Variants in TBXT observed in about 807,000 individuals in gnomAD.
The protein encoded by TBXT is T brachyury transcription factor.
A neutral mutation model predicts 41.1 loss-of-function variants in TBXT; 19 were observed. The observed-to-expected ratio is 0.46, with a 90% CI of 0.32 to 0.68. TBXT has a LOEUF of 0.68. Among genes scored for constraint, TBXT ranks in the 30% least tolerant of loss-of-function variants. The pLI is 0.03. For missense variants in TBXT, 536 were observed against 582.0 expected (o/e 0.92, Z 0.81); for synonymous variants, 213 against 238.9 (o/e 0.89, Z 1.00).
chr6:166,165,647 C>T (rs901105494), intron 3 of TBXT, 59 bp downstream of exon 3: 22 of 1,611,840 alleles, frequency 1.4e-5, no homozygotes, highest in Middle Eastern at 2.1e-4. Context: ...AGAATCTCCA[C>T]GGAGCAGCAC....
At chr6:166,160,099 A>C (rs1271486022) in intron 7 of TBXT, among the ~76,000 whole-genome samples, 1 of 152,208 alleles carries the variant, frequency 6.6e-6, no homozygotes, top group Non-Finnish European at 1.5e-5. Context: ...AGCTGGTCCA[A>C]TCATTTAATA....
chr6:166,159,015 A>G (rs1778873965), intron 7 of TBXT, among the ~76,000 whole-genome samples: 1 of 152,208 alleles, frequency 6.6e-6, no homozygotes, highest in Non-Finnish European at 1.5e-5. Flanking sequence ...TCTACTAAAT[A>G]CAAAAAATTG....
chr6:166,167,370 C>T lies in TBXT; in HGVS notation c.206+16G>A. 5.6e-6 allele frequency: 9 copies of T among 1,611,940 alleles called. No homozygotes were observed. The highest frequency in any genetic ancestry group is 7.6e-6 in the Non-Finnish European group (9 of 1,179,770). On this transcript the variant is annotated intron_variant, in intron 1 of 7. Coordinates refer to ENST00000366876, the MANE Select transcript of TBXT (RefSeq NM_001366285.2). ...CTGGAGAGCGCGGCGCGCGCGGGCTCCGGACGCGCACCCACCTGCCGTTCT... is the reference window on the plus strand; with the variant it reads ...CTGGAGAGCGCGGCGCGCGCGGGCTTCGGACGCGCACCCACCTGCCGTTCT...
Position 166,166,664 on chromosome 6 carries a change from C to T in TBXT, c.399G>A (p.Gly133=), listed in dbSNP as rs373205880. The change falls in exon 2 of 8, where the codon GGG becomes GGA. Residue 133 remains glycine, a synonymous_variant. Transcript: ENST00000366876. Reference sequence around the variant, plus strand: ...AGACGGGAGCCTTCATCCAGTGGGCCCCGAAGTTGGGCGAGTCGGGGTGGA... The same window carrying T: ...AGACGGGAGCCTTCATCCAGTGGGCTCCGAAGTTGGGCGAGTCGGGGTGGA... The part of the protein sequence containing the change: ...VYIHPDSPNF[G]AHWMKAPVSF... 6 of 1,613,944 alleles carry T rather than the reference C, an allele frequency of 3.7e-6. No homozygotes were observed. Among genetic ancestry groups the T allele is most frequent in the Non-Finnish European group, 5.1e-6 (6 of 1,180,044 alleles).
chr6:166,164,760 C>T, intron 4 of TBXT, 40 bp downstream of exon 4: 1 of 1,611,408 alleles, frequency 6.2e-7, no homozygotes, highest in Non-Finnish European at 8.5e-7. Flanking sequence ...TTTCTGCATA[C>T]TTCTTTGCCC....
chr6:166,157,722 AG>A lies in TBXT; in HGVS notation c.*592del, dbSNP rs1260339336. The A allele has an allele frequency of 6.5e-6, 1 of 153,480 alleles. No individual in the cohort carries two copies. The highest frequency in any genetic ancestry group is 2.4e-5 in the African/African-American group (1 of 41,464). The allele number at this position is 153,480 out of a possible 1,614,324, so 9.5% of individuals were successfully genotyped here. On this transcript the variant is annotated 3_prime_UTR_variant, in exon 8 of 8. Coordinates refer to ENST00000366876, the MANE Select transcript of TBXT (RefSeq NM_001366285.2). ...GATTGTCTTTGGCTACTTTGTCAAAAGAAAAATATGAAACAGTTATAGTTTA... is the reference window on the plus strand; with the variant it reads ...GATTGTCTTTGGCTACTTTGTCAAAAAAAAATATGAAACAGTTATAGTTTA...
intron 6 of TBXT, among the ~76,000 whole-genome samples, chr6:166,161,680 T>C (rs1778958910): frequency 6.6e-6 from 1 of 150,782 alleles, no homozygotes; most frequent in Non-Finnish European, 1.5e-5. Flanking sequence ...CCCAGCACTT[T>C]GGGAGGCCGA....
In TBXT at chr6:166,160,900, C is replaced by T. The variant is rs1174375352; in HGVS notation, c.974G>A (p.Gly325Glu). ...LQSHDNWSSL[G>E]MPAHPSMLPV... ...GAGCATGCTGGGATGGGCAGGCATTCCAAGGCTGGACCAATTGTCATGGGA... is the reference window on the plus strand; with the variant it reads ...GAGCATGCTGGGATGGGCAGGCATTTCAAGGCTGGACCAATTGTCATGGGA... The change falls in exon 7 of 8, where the codon GGA (glycine) becomes GAA (glutamate). Residue 325 changes from glycine (G) to glutamate (E), a missense_variant. Gly to Glu is a moderately conservative substitution (Grantham distance 98). Transcript: ENST00000366876. 6.8e-6 allele frequency: 11 copies of T among 1,613,974 alleles called. No homozygotes were observed. The highest frequency in any genetic ancestry group is 8.5e-6 in the Non-Finnish European group (10 of 1,180,020).
upstream of TBXT, chr6:166,168,389 T>A (rs1779212637): frequency 6.6e-6 from 1 of 152,320 alleles, no homozygotes; most frequent in South Asian, 2.1e-4. Flanking sequence ...GGCCGGGCTT[T>A]GGGATGCGCC....
chr6:166,162,875 C>T (rs532988004), intron 5 of TBXT, among the ~76,000 whole-genome samples: 2 of 152,250 alleles, frequency 1.3e-5, no homozygotes, highest in Admixed American at 1.3e-4. Flanking sequence ...AGTGACTTCC[C>T]ACCTTCCCCT....
intron 7 of TBXT, among the ~76,000 whole-genome samples, 166 bp from the exon 8 acceptor site, chr6:166,158,754 T>G (rs3099269): frequency 1.3e-5 from 2 of 152,176 alleles, no homozygotes; most frequent in Non-Finnish European, 2.9e-5. Flanking sequence ...CACAAGCACA[T>G]TCTGTGATGT....
intron 6 of TBXT, among the ~76,000 whole-genome samples, chr6:166,161,849 A>G (rs1582966269): frequency 6.6e-6 from 1 of 152,296 alleles, no homozygotes; most frequent in African/African-American, 2.4e-5. Context: ...CGTGAACCCG[A>G]GAGGCGGAGC....
chr6:166,166,295 GC>G (rs148685680), intron 2 of TBXT, among the ~76,000 whole-genome samples: 8,811 of 152,246 alleles, frequency 0.058, 775 homozygotes, highest in African/African-American at 0.19. Flanking sequence ...ATGCGACTTT[GC>G]CATCAAGGCT....
rs1778821677 is a variant in TBXT at position 166,157,738 on chromosome 6, G to C, written c.*577C>G. The C allele has an allele frequency of 6.5e-6, 1 of 154,256 alleles. No individual in the cohort carries two copies. The highest frequency in any genetic ancestry group is 2.4e-5 in the African/African-American group (1 of 41,440). The allele number at this position is 154,256 out of a possible 1,614,324, so 9.6% of individuals were successfully genotyped here. A position where few individuals can be genotyped will look rare whatever the true frequency, so the allele number is the denominator to read the frequency against. On this transcript the variant is annotated 3_prime_UTR_variant, in exon 8 of 8. Transcript: ENST00000366876. ...TTTGTCAAAAGAAAAATATGAAACA[G>C]TTATAGTTTAACAACACAAGAGATT...
chr6:166,162,476 C>T lies in TBXT; in HGVS notation c.878G>A (p.Ser293Asn). 1.2e-6 allele frequency: 2 copies of T among 1,614,098 alleles called. No homozygotes were observed. The highest frequency in any genetic ancestry group is 1.1e-5 in the South Asian group (1 of 91,080). Reference sequence around the variant, plus strand: ...AGAATTGTTCCGATGAGCATAGGGGCTGGGGTAGGGTGAGGACCGGTGGCT... The same window carrying T: ...AGAATTGTTCCGATGAGCATAGGGGTTGGGGTAGGGTGAGGACCGGTGGCT... ...LRSHRSSPYP[S>N]PYAHRNNSPT... is the part of the protein sequence containing the mutation. Residue 293 changes from serine (S) to asparagine (N), a missense_variant, in exon 6 of 8, where the codon AGC becomes AAC. Coordinates refer to ENST00000366876, the MANE Select transcript of TBXT (RefSeq NM_001366285.2).
intron 5 of TBXT, among the ~76,000 whole-genome samples, chr6:166,164,099 C>A (rs1299921248): frequency 6.6e-6 from 1 of 152,206 alleles, no homozygotes; most frequent in African/African-American, 2.4e-5. Flanking sequence ...CTCTATCCTG[C>A]ACTCTGACTC....
At chr6:166,165,095 T>C (rs1407115658) in intron 3 of TBXT, among the ~76,000 whole-genome samples, 1 of 152,248 alleles carries the variant, frequency 6.6e-6, no homozygotes, top group Non-Finnish European at 1.5e-5. Flanking sequence ...ACAATAAATT[T>C]AACCTACTAC....
At position 166,164,817 on chromosome 6, in the gene TBXT, G is replaced by A; in HGVS notation, c.651C>T (p.Phe217=). ...TCTCTCACCTTTCCTTTGCATCAAG[G>A]AAAGCTTTTGCAAATGGATTGTACT... The part of the protein sequence containing the change: ...KIKYNPFAKA[F]LDAKERSDHK... Residue 217 remains phenylalanine, a synonymous_variant, in exon 4 of 8, where the codon TTC becomes TTT. Coordinates refer to ENST00000366876, the MANE Select transcript of TBXT (RefSeq NM_001366285.2). The A allele has an allele frequency of 6.2e-7, 1 of 1,613,372 alleles. No individual in the cohort carries two copies. The highest frequency in any genetic ancestry group is 2.2e-5 in the East Asian group (1 of 44,848).
Position 166,164,453 on chromosome 6 carries a change from C to G in TBXT, c.730+152G>C, listed in dbSNP as rs553301232. 17 of 898,434 alleles carry G rather than the reference C, an allele frequency of 1.9e-5. No homozygotes were observed. In the South Asian group the frequency reaches 2.0e-4, roughly 11 times the overall value. The allele number at this position is 898,434 out of a possible 1,614,324, so 55.7% of individuals were successfully genotyped here. ...TAGATGGGCAACACAGCTTCAACAT[C>G]ACAGGGCCAAGAGCCTCGCATGGCA... On this transcript the variant is annotated intron_variant, in intron 5 of 7. Coordinates refer to ENST00000366876, the MANE Select transcript of TBXT (RefSeq NM_001366285.2).
Sources: gnomAD v4.1 joint callset for allele counts (sites outside exome capture counted in the v4.1 genomes callset) on GRCh38, gnomAD v4.1.1 for gene constraint, MANE v1.5 for transcripts, NCBI Gene and HGNC (gene_info 2026-07-23, HGNC 2026-07-21) for gene names.